The following DACH2 variants were observed in gnomAD, a reference collection of about 807,000 sequenced individuals.
The protein encoded by DACH2 is dachshund homolog 2.
Under a neutral mutation model 35.8 loss-of-function variants are expected in DACH2, and 17 were observed. That is an observed-to-expected ratio of 0.48 (90% CI 0.33 to 0.71). The LOEUF is 0.71. Among genes scored for constraint, DACH2 ranks in the 30% least tolerant of loss-of-function variants. DACH2 has a pLI of 0.02. For missense variants in DACH2, 469 were observed against 472.7 expected (o/e 0.99, Z 0.07); for synonymous variants, 195 against 177.3 (o/e 1.10, Z -0.79).
intron 3 of DACH2, among the ~76,000 whole-genome samples, chrX:86,615,744 C>A (rs1363383195): frequency 9.0e-6 from 1 of 110,927 alleles, no homozygotes; most frequent in Non-Finnish European, 1.9e-5. Flanking sequence ...AGAGTGACAG[C>A]AGCCATTTAA....
At chrX:86,329,036 G>A (rs939403792) in intron 1 of DACH2, among the ~76,000 whole-genome samples, 1 of 111,274 alleles carries the variant, frequency 9.0e-6, no homozygotes, top group Admixed American at 9.6e-5. Context: ...ACGATTCCTT[G>A]GGAAAACAGA....
chrX:86,723,343 TTTTTGC>T (rs1490986416), intron 6 of DACH2, among the ~76,000 whole-genome samples: 1 of 109,374 alleles, frequency 9.1e-6, no homozygotes, highest in African/African-American at 3.3e-5. Flanking sequence ...AATTTTTTTT[TTTTTGC>T]TTTTTTGCTT....
chrX:86,194,430 A>G (rs988321475), intron 1 of DACH2, among the ~76,000 whole-genome samples: 4 of 111,839 alleles, frequency 3.6e-5, no homozygotes, highest in African/African-American at 1.3e-4. Flanking sequence ...CTGGCGCACT[A>G]ACAGATCTTC....
intron 1 of DACH2, among the ~76,000 whole-genome samples, chrX:86,279,995 A>T (rs2033993289): frequency 9.0e-6 from 1 of 110,611 alleles, no homozygotes; most frequent in Admixed American, 9.8e-5. Flanking sequence ...CCTGAAAGTG[A>T]TGGGGAAAAT....
At chrX:86,240,252 G>T (rs567083350) in intron 1 of DACH2, among the ~76,000 whole-genome samples, 56 of 110,868 alleles carry the variant, frequency 5.1e-4, no homozygotes, top group African/African-American at 1.4e-3. Context: ...GTAAACATAC[G>T]CTCATCACAC....
chrX:86,334,355 A>C (rs1423621011), intron 1 of DACH2, among the ~76,000 whole-genome samples: 3 of 112,167 alleles, frequency 2.7e-5, no homozygotes, highest in African/African-American at 9.7e-5. Flanking sequence ...TGATGGTTGA[A>C]CTAATTTACA....
intron 2 of DACH2, among the ~76,000 whole-genome samples, chrX:86,420,525 A>G (rs202087377): frequency 9.6e-6 from 1 of 104,425 alleles, no homozygotes; most frequent in African/African-American, 3.4e-5. Context: ...CTTGTGGCCA[A>G]ACAGTTTTCT....
chrX:86,751,163 A>T (rs2041768623), intron 7 of DACH2, among the ~76,000 whole-genome samples: 1 of 110,795 alleles, frequency 9.0e-6, no homozygotes, highest in Non-Finnish European at 1.9e-5. Flanking sequence ...AACCTGGCAG[A>T]GTTTTCAAAA....
Position 86,479,072 on chromosome X carries a change from G to A in DACH2, c.528-35207G>A, listed in dbSNP as rs138315933. On this transcript the variant is annotated intron_variant, in intron 2 of 11. Transcript: ENST00000373125. ...GGATGGGGTGGGAAGGTGGTCTTCC[G>A]CCAGAGTTGGGCCACCCAGCAGCTG... Among the ~76,000 whole-genome samples the A allele has an allele frequency of 2.2e-3, 247 of 110,687 alleles. 2 individuals carry two copies. Among genetic ancestry groups the A allele is most frequent in the African/African-American group, 7.8e-3 (238 of 30,466 alleles).
chrX:86,783,149 AC>A (rs2042105129), intron 7 of DACH2, among the ~76,000 whole-genome samples: 1 of 112,224 alleles, frequency 8.9e-6, no homozygotes. Flanking sequence ...CAAATAGCAA[AC>A]AGACACATGA....
intron 6 of DACH2, among the ~76,000 whole-genome samples, chrX:86,721,991 G>A (rs2041412061): frequency 8.9e-6 from 1 of 111,826 alleles, no homozygotes; most frequent in African/African-American, 3.3e-5. Context: ...TCCTGCCCTT[G>A]ACACTTGGGG....
intron 3 of DACH2, among the ~76,000 whole-genome samples, chrX:86,575,662 A>T (rs747462389): frequency 4.5e-5 from 5 of 112,026 alleles, no homozygotes; most frequent in African/African-American, 1.6e-4. Context: ...ATTAAAACAC[A>T]TTGAAAATAC....
chrX:86,339,534 A>G (rs963987642), intron 1 of DACH2, among the ~76,000 whole-genome samples: 3 of 111,877 alleles, frequency 2.7e-5, no homozygotes, highest in African/African-American at 9.7e-5. Context: ...CAACATCCAT[A>G]TGAAATAAGT....
chrX:86,681,054 GTCTA>G lies in DACH2; in HGVS notation c.773-13949_773-13946del, dbSNP rs752234094. Among the ~76,000 whole-genome samples, 51 of 110,407 alleles carry G rather than the reference GTCTA, an allele frequency of 4.6e-4. 1 individual carries two copies. The highest frequency in any genetic ancestry group is 1.4e-3 in the Admixed American group (14 of 10,326). ...TATGTATCTATCTATCTGTGTGTCT[GTCTA>G]TCTATCTATCTATCTATATGTCTGA... On this transcript the variant is annotated intron_variant, in intron 4 of 11. Transcript: ENST00000373125.
intron 1 of DACH2, among the ~76,000 whole-genome samples, chrX:86,338,187 A>G (rs908080939): frequency 1.1e-4 from 12 of 111,656 alleles, no homozygotes; most frequent in African/African-American, 3.9e-4. Context: ...GATATTCAGG[A>G]CTTGAACTCT....
chrX:86,686,257 G>A (rs998916589), intron 4 of DACH2, among the ~76,000 whole-genome samples: 2 of 110,236 alleles, frequency 1.8e-5, no homozygotes, highest in Admixed American at 1.9e-4. Context: ...TTTTTGAGAC[G>A]GAGTCTCACT....
intron 11 of DACH2, chrX:86,829,208 T>G (rs2042590051): frequency 8.9e-6 from 1 of 111,924 alleles, no homozygotes; most frequent in Non-Finnish European, 1.9e-5. Context: ...TTATATAGAG[T>G]AGGTATACTG....
At chrX:86,319,644 T>A (rs745809615) in intron 1 of DACH2, among the ~76,000 whole-genome samples, 1 of 112,138 alleles carries the variant, frequency 8.9e-6, no homozygotes, top group South Asian at 3.7e-4. Context: ...ACCTGTATAA[T>A]TTAGACCACA....
chrX:86,585,394 A>T (rs188928362), intron 3 of DACH2, among the ~76,000 whole-genome samples: 257 of 111,076 alleles, frequency 2.3e-3, no homozygotes, highest in East Asian at 4.8e-3. Context: ...TTAATTAATT[A>T]TTATCATTTA....
Sources: allele counts gnomAD v4.1 joint callset (sites outside exome capture counted in the v4.1 genomes callset), GRCh38; gene constraint gnomAD v4.1.1; transcripts MANE v1.5; gene names NCBI Gene and HGNC (gene_info 2026-07-23, HGNC 2026-07-21).